CCDC187: variants seen among roughly 807,000 people sequenced by gnomAD.
CCDC187 encodes coiled-coil domain containing 187.
In CCDC187, 32 loss-of-function variants were observed where a neutral mutation model predicts 38.0. The ratio of observed to expected loss-of-function variants is 0.84; its 90% CI spans 0.64 to 1.13. The LOEUF is 1.13. Ranked by LOEUF, CCDC187 falls within the 50% of genes most tolerant of loss-of-function variation. The probability of loss-of-function intolerance (pLI) is 0.00; values close to 1 mark genes in which losing one functional copy is unlikely to be tolerated. For missense variants in CCDC187, 707 were observed against 786.8 expected (o/e 0.90, Z 1.21); for synonymous variants, 333 against 347.9 (o/e 0.96, Z 0.48).
intron 25 of CCDC187, 37 bp downstream of exon 25, chr9:136,255,620 C>T (rs1397574900): frequency 6.4e-6 from 6 of 944,658 alleles, no homozygotes; most frequent in East Asian, 1.2e-4. Context: ...AGTGGGGACT[C>T]GATGGCTGAA....
At chr9:136,268,787 T>G (rs1408010307) in intron 14 of CCDC187, among the ~76,000 whole-genome samples, 2 of 152,172 alleles carry the variant, frequency 1.3e-5, no homozygotes, top group Non-Finnish European at 2.9e-5. Context: ...TTCCAGGCAC[T>G]GGACTTGAGG....
chr9:136,281,801 G>A (rs1469014636), intron 9 of CCDC187, 138 bp from the exon 10 acceptor site: 4 of 397,310 alleles, frequency 1.0e-5, no homozygotes, highest in African/African-American at 2.1e-5. Flanking sequence ...CCCCAACAGT[G>A]TGCCCAGGGT....
chr9:136,303,796 C>A lies in CCDC187; in HGVS notation c.35G>T (p.Cys12Phe), dbSNP rs1233927788. ...PTLVVGTPPT[C>F]LGDTPQPCHK... Reference sequence around the variant, plus strand: ...GCAGGGCTGAGGTGTGTCCCCCAGGCAGGTGGGCGGCGTGCCCACGACCAG... The same window carrying A: ...GCAGGGCTGAGGTGTGTCCCCCAGGAAGGTGGGCGGCGTGCCCACGACCAG... Residue 12 changes from cysteine (C) to phenylalanine (F), a missense_variant, in exon 1 of 26, where the codon TGC (cysteine) becomes TTC (phenylalanine). Cys to Phe is a radical substitution (Grantham distance 205, BLOSUM62 -2). Transcript: ENST00000638797. 1 of 152,408 alleles carries A rather than the reference C, an allele frequency of 6.6e-6. No homozygotes were observed. Among genetic ancestry groups the A allele is most frequent in the African/African-American group, 2.4e-5 (1 of 41,472 alleles). The allele number at this position is 152,408 out of a possible 1,614,324, so 9.4% of individuals were successfully genotyped here. A position where few individuals can be genotyped will look rare whatever the true frequency, so the allele number is the denominator to read the frequency against.
chr9:136,251,223 A>C lies in CCDC187; in HGVS notation c.*2371T>G, dbSNP rs1554759367. 1.8e-5 allele frequency: 6 copies of C among 341,274 alleles called. No individual in the cohort carries two copies. The highest frequency in any genetic ancestry group is 1.1e-4 in the South Asian group (5 of 45,752). The allele number at this position is 341,274 out of a possible 1,614,324, so 21.1% of individuals were successfully genotyped here. On this transcript the variant is annotated 3_prime_UTR_variant, in exon 26 of 26. Coordinates refer to ENST00000638797, the MANE Select transcript of CCDC187 (RefSeq NM_001378188.1). ...TTCAAAAGGGTCCCAGAGAAATTAC[A>C]GGGGTCCCAGTGAATCCTCTGGAAG...
chr9:136,263,970 T>A, intron 17 of CCDC187, 172 bp from the exon 18 acceptor site: 1 of 281,980 alleles, frequency 3.5e-6, no homozygotes, highest in Non-Finnish European at 5.4e-6. Flanking sequence ...GATACCCCCA[T>A]GGCCTTGGGC....
chr9:136,296,714 C>G (rs1207079014), intron 4 of CCDC187, among the ~76,000 whole-genome samples: 2 of 152,224 alleles, frequency 1.3e-5, no homozygotes, highest in Non-Finnish European at 2.9e-5. Flanking sequence ...GCCCTGCAAG[C>G]TCTGAAACCC....
chr9:136,269,891 TA>T (rs568770605), intron 14 of CCDC187, among the ~76,000 whole-genome samples: 344 of 152,046 alleles, frequency 2.3e-3, no homozygotes, highest in African/African-American at 7.7e-3. Flanking sequence ...ACAGAGGATA[TA>T]AAACGAAAAG....
At chr9:136,276,511 C>T (rs994900476) in intron 11 of CCDC187, 140 bp downstream of exon 11, 10 of 152,328 alleles carry the variant, frequency 6.6e-5, no homozygotes, top group African/African-American at 2.4e-4. Context: ...GCTCCCCTCC[C>T]TCTCACCCGG....
intron 24 of CCDC187, 89 bp downstream of exon 24, chr9:136,256,122 G>A (rs1393699281): frequency 4.6e-6 from 3 of 654,754 alleles, no homozygotes; most frequent in South Asian, 6.7e-5. Context: ...GAGAGTGAGG[G>A]TCCCCACAGC....
In CCDC187 at chr9:136,291,169, T is replaced by C. The variant is rs1831319044; in HGVS notation, c.1444A>G (p.Arg482Gly). Residue 482 changes from arginine to glycine, a missense_variant, in exon 6 of 26, where the codon AGG becomes GGG. Transcript: ENST00000638797. ...SFQRPESPHERLGHFSQRPWS... is the reference protein window; with the variant it reads ...SFQRPESPHEGLGHFSQRPWS... ...GGCCTCTGGGAGAAGTGGCCCAACC[T>C]CTCATGGGGACTCTCCGGCCTCTGG... The C allele has an allele frequency of 7.5e-6, 3 of 398,244 alleles. No homozygotes were observed. Among genetic ancestry groups the C allele is most frequent in the Middle Eastern group, 6.3e-4 (1 of 1,592 alleles). 24.7% of individuals were successfully genotyped at this position (398,244 alleles called of 1,614,324 possible). A position where few individuals can be genotyped will look rare whatever the true frequency, so the allele number is the denominator to read the frequency against.
At chr9:136,301,320 A>T (rs1424427217) in intron 2 of CCDC187, among the ~76,000 whole-genome samples, 1 of 149,878 alleles carries the variant, frequency 6.7e-6, no homozygotes, top group Non-Finnish European at 1.5e-5. Context: ...TAAAAAAACA[A>T]AGTCACAAAA....
At chr9:136,289,187 C>T (rs1458936165) in intron 7 of CCDC187, among the ~76,000 whole-genome samples, 1 of 152,266 alleles carries the variant, frequency 6.6e-6, no homozygotes, top group African/African-American at 2.4e-5. Context: ...AAGCCAGACC[C>T]GTACTTGGTG....
rs1337982206 is a variant in CCDC187 at position 136,274,378 on chromosome 9, G to C, written c.3442+280C>G. On this transcript the variant is annotated intron_variant, in intron 14 of 25. Coordinates refer to ENST00000638797, the MANE Select transcript of CCDC187 (RefSeq NM_001378188.1). ...TGAGATCCTGACTCAGCTCCCCAAG[G>C]CTGGGTGGGTGGAGATGGTGTCTGC... Among the ~76,000 whole-genome samples, 3 of 152,362 alleles carry C rather than the reference G, an allele frequency of 2.0e-5. No individual in the cohort carries two copies. The East Asian group carries it at 5.8e-4, about 29-fold the overall frequency.
chr9:136,293,199 ACT>A (rs1274894867), intron 4 of CCDC187, among the ~76,000 whole-genome samples: 41 of 146,534 alleles, frequency 2.8e-4, no homozygotes, highest in Non-Finnish European at 4.0e-4. Context: ...ATGCTCACAC[ACT>A]CACAAACACA....
chr9:136,301,738 C>T (rs1831690227), intron 2 of CCDC187, among the ~76,000 whole-genome samples: 1 of 151,918 alleles, frequency 6.6e-6, no homozygotes. Context: ...AGGCGCCCGC[C>T]ACCATGCCCA....
intron 5 of CCDC187, 109 bp from the exon 6 acceptor site, chr9:136,291,754 C>A (rs900605463): frequency 2.5e-6 from 1 of 397,816 alleles, no homozygotes; most frequent in South Asian, 1.4e-4. Flanking sequence ...AGGAGGCCCT[C>A]GGGCCCCTGC....
At chr9:136,279,419 G>A (rs1165070482) in intron 10 of CCDC187, among the ~76,000 whole-genome samples, 5 of 152,204 alleles carry the variant, frequency 3.3e-5, no homozygotes, top group African/African-American at 1.2e-4. Context: ...TCCCCCTGGG[G>A]CTACTGCACA....
At chr9:136,304,197 G>C (rs1481947206), upstream of CCDC187, 3 of 152,396 alleles carry the variant, frequency 2.0e-5, no homozygotes, top group Non-Finnish European at 2.9e-5. Context: ...GCTCCTGATG[G>C]GGCTCTCAGC....
chr9:136,267,442 C>G lies in CCDC187; in HGVS notation c.3589G>C (p.Glu1197Gln). 3.0e-6 allele frequency: 3 copies of G among 985,586 alleles called. No individual in the cohort carries two copies. The highest frequency in any genetic ancestry group is 1.7e-5 in the African/African-American group (1 of 57,374). The allele number at this position is 985,586 out of a possible 1,614,324, so 61.1% of individuals were successfully genotyped here. A position where few individuals can be genotyped will look rare whatever the true frequency, so the allele number is the denominator to read the frequency against. Residue 1197 changes from glutamate to glutamine, a missense_variant, in exon 16 of 26, where the codon GAG becomes CAG. By Grantham distance (29) the Glu-to-Gln change is conservative. Coordinates refer to ENST00000638797, the MANE Select transcript of CCDC187 (RefSeq NM_001378188.1). Reference sequence around the variant, plus strand: ...AGCGTTTTCTCCTGGAGCGCCATCTCTCGCAGGCGCAGCAGCGCGGCCTGG... The same window carrying G: ...AGCGTTTTCTCCTGGAGCGCCATCTGTCGCAGGCGCAGCAGCGCGGCCTGG... ...QHQAALLRLR[E>Q]MALQEKTLAE... is the part of the protein sequence containing the mutation.
Sources: allele counts gnomAD v4.1 joint callset (sites outside exome capture counted in the v4.1 genomes callset), GRCh38; gene constraint gnomAD v4.1.1; transcripts MANE v1.5; gene names NCBI Gene and HGNC (gene_info 2026-07-23, HGNC 2026-07-21).